The following NADSYN1 variants were observed in gnomAD, a reference collection of about 807,000 sequenced individuals.
The protein encoded by NADSYN1 is glutamine-dependent NAD(+) synthetase.
A neutral mutation model predicts 99.3 loss-of-function variants in NADSYN1; 80 were observed. The ratio of observed to expected loss-of-function variants is 0.81; its 90% CI spans 0.67 to 0.97. NADSYN1 has a LOEUF of 0.97. Among genes scored for constraint, NADSYN1 ranks in the 50% least tolerant of loss-of-function variants. The pLI, the probability that NADSYN1 is intolerant of heterozygous loss-of-function variation, is 0.00. For missense variants in NADSYN1, 859 were observed against 948.5 expected, an observed-to-expected ratio of 0.91 and a Z score of 1.24; for synonymous variants, 385 against 372.1, an observed-to-expected ratio of 1.03 and a Z score of -0.40.
At chr11:71,494,783 G>A (rs1286012477) in intron 18 of NADSYN1, among the ~76,000 whole-genome samples, 2 of 152,092 alleles carry the variant, frequency 1.3e-5, no homozygotes, top group African/African-American at 4.8e-5. Flanking sequence ...TCGAACTCCC[G>A]ACCTCAGGTG....
chr11:71,460,889 CA>C (rs1949546240), intron 3 of NADSYN1: 2 of 152,202 alleles, frequency 1.3e-5, no homozygotes, highest in Admixed American at 6.5e-5. Flanking sequence ...TTCTGCTCCA[CA>C]AGGGTTTGCC....
intron 16 of NADSYN1, among the ~76,000 whole-genome samples, chr11:71,486,328 C>G (rs1377768770): frequency 6.6e-6 from 1 of 152,052 alleles, no homozygotes; most frequent in African/African-American, 2.4e-5. Flanking sequence ...TCCACCCATC[C>G]ATCCATCTGT....
intron 5 of NADSYN1, among the ~76,000 whole-genome samples, chr11:71,469,836 G>A (rs1020928898): frequency 6.0e-5 from 9 of 150,434 alleles, no homozygotes; most frequent in African/African-American, 2.0e-4. Context: ...TGAAGTGGGA[G>A]GATCACTTGA....
At chr11:71,498,154 A>G (rs1949832805) in intron 19 of NADSYN1, among the ~76,000 whole-genome samples, 198 bp from the exon 20 acceptor site, 1 of 152,052 alleles carries the variant, frequency 6.6e-6, no homozygotes, top group Admixed American at 6.6e-5. Context: ...ATAGCATCAG[A>G]GGCAGGGGGA....
chr11:71,474,332 C>T (rs1390161078), intron 8 of NADSYN1, 63 bp from the exon 9 acceptor site: 3 of 1,604,692 alleles, frequency 1.9e-6, no homozygotes, highest in Non-Finnish European at 2.6e-6. Flanking sequence ...TGTACTTGGG[C>T]AGGTGGCAGG....
chr11:71,500,776 C>T (rs1949851899), intron 20 of NADSYN1, among the ~76,000 whole-genome samples: 1 of 152,162 alleles, frequency 6.6e-6, no homozygotes. Context: ...CCTGCTGTGG[C>T]TGGACGGAGC....
chr11:71,498,295 G>A (rs190248113), intron 19 of NADSYN1, 57 bp from the exon 20 acceptor site: 198 of 1,593,080 alleles, frequency 1.2e-4, no homozygotes, highest in Admixed American at 3.0e-4. Flanking sequence ...TGGGAATTCC[G>A]GCCTGGGGTC....
chr11:71,486,966 T>C (rs1949747210), intron 16 of NADSYN1, among the ~76,000 whole-genome samples: 1 of 151,876 alleles, frequency 6.6e-6, no homozygotes, highest in Non-Finnish European at 1.5e-5. Context: ...TCACCACGCC[T>C]GGCTAATTTT....
In NADSYN1 at chr11:71,482,663, G is replaced by T. The variant is rs371816323; in HGVS notation, c.1151-186G>T. The T allele has an allele frequency of 6.6e-6, 3 of 456,956 alleles. 1 individual carries two copies. Among genetic ancestry groups the T allele is most frequent in the Non-Finnish European group, 1.2e-5 (3 of 254,396 alleles). 28.3% of individuals were successfully genotyped at this position (456,956 alleles called of 1,614,324 possible). ...GGTGGAGCCGCACAGGCACCTGGGG[G>T]TGTAGACTGGGGTGGAGCCGCACAG... is the stretch of plus-strand genomic sequence containing the variant. On this transcript the variant is annotated intron_variant, in intron 13 of 20. Coordinates refer to ENST00000319023, the MANE Select transcript of NADSYN1 (RefSeq NM_018161.5).
At position 71,481,859 on chromosome 11, in the gene NADSYN1, G is replaced by T. The variant is rs2120474404; in HGVS notation, c.1048-64G>T. 3 of 1,463,356 alleles carry T rather than the reference G, an allele frequency of 2.1e-6. No homozygotes were observed. The South Asian group carries it at 3.6e-5, about 18-fold the overall frequency. The allele number at this position is 1,463,356 out of a possible 1,614,324, so 90.6% of individuals were successfully genotyped here. A position where few individuals can be genotyped will look rare whatever the true frequency, so the allele number is the denominator to read the frequency against. ...CCTTGAGGTCTATGGGTGGAGCTTGGCTGATCCATGGGCATGCTGCTTCTC... is the reference window on the plus strand; with the variant it reads ...CCTTGAGGTCTATGGGTGGAGCTTGTCTGATCCATGGGCATGCTGCTTCTC... On this transcript the variant is annotated intron_variant, in intron 12 of 20. Coordinates refer to ENST00000319023, the MANE Select transcript of NADSYN1 (RefSeq NM_018161.5).
intron 15 of NADSYN1, 100 bp downstream of exon 15, chr11:71,484,547 T>A (rs1949729664): frequency 3.5e-6 from 5 of 1,446,880 alleles, no homozygotes; most frequent in Middle Eastern, 2.5e-4. Flanking sequence ...GGCCATCGTC[T>A]CCATGAAGCT....
At chr11:71,469,627 C>A (rs1949614129) in intron 5 of NADSYN1, among the ~76,000 whole-genome samples, 1 of 152,212 alleles carries the variant, frequency 6.6e-6, no homozygotes, top group Non-Finnish European at 1.5e-5. Context: ...AGGCACAGAT[C>A]ACTCATGCTA....
At position 71,463,491 on chromosome 11, in the gene NADSYN1, C is replaced by G; in HGVS notation, c.317+6C>G. ...AGAGTGATATTCCTCAACAGGTAGG[C>G]CCCCTGCCCCCACCCCGGGAGGGTG... is the stretch of plus-strand genomic sequence containing the variant. On this transcript the variant is annotated splice_donor_region_variant and intron_variant, in intron 4 of 20. Transcript: ENST00000319023. 1 of 1,612,914 alleles carries G rather than the reference C, an allele frequency of 6.2e-7. No individual in the cohort carries two copies. The highest frequency in any genetic ancestry group is 1.1e-5 in the South Asian group (1 of 91,000).
intron 6 of NADSYN1, among the ~76,000 whole-genome samples, chr11:71,472,789 C>T (rs145781833): frequency 7.2e-4 from 109 of 152,326 alleles, no homozygotes; most frequent in African/African-American, 2.5e-3. Context: ...CAGCCTTCTC[C>T]ATCCCCAGGG....
chr11:71,463,394 C>T, intron 3 of NADSYN1, 38 bp from the exon 4 acceptor site: 2 of 1,581,786 alleles, frequency 1.3e-6, no homozygotes, highest in African/African-American at 1.3e-5. Context: ...TGTTTCATAA[C>T]CGGGCAGACA....
chr11:71,483,080 C>T (rs1308851989), intron 14 of NADSYN1, 63 bp downstream of exon 14: 20 of 1,587,692 alleles, frequency 1.3e-5, no homozygotes, highest in Non-Finnish European at 1.7e-5. Context: ...TCACTGGAAG[C>T]TCCGCCTGTG....
chr11:71,454,314 C>T lies in NADSYN1; in HGVS notation c.86-796C>T, dbSNP rs184422559. Among the ~76,000 whole-genome samples, 821 of 152,142 alleles carry T rather than the reference C, an allele frequency of 5.4e-3. 8 individuals are homozygous for T. Among genetic ancestry groups the T allele is most frequent in the African/African-American group, 0.019 (786 of 41,442 alleles). The stretch of plus-strand genomic sequence containing the variant: ...GCAGTCTCTGCCTCCTGGGCTCAAG[C>T]GATTCTCCTGCCTCAGCCTCCTGAG... On this transcript the variant is annotated intron_variant, in intron 1 of 20. Coordinates refer to ENST00000319023, the MANE Select transcript of NADSYN1 (RefSeq NM_018161.5).
intron 16 of NADSYN1, among the ~76,000 whole-genome samples, chr11:71,490,222 G>C (rs557270359): frequency 6.6e-6 from 1 of 152,110 alleles, no homozygotes. Context: ...CAGCGGCCTC[G>C]CGTCTCTGCC....
chr11:71,453,488 G>C lies in NADSYN1; in HGVS notation c.85+107G>C, dbSNP rs1327744310. On this transcript the variant is annotated intron_variant, in intron 1 of 20. Transcript: ENST00000319023. ...CACAGCCTTGCCCTGGGAAACTCTC[G>C]GCCCTGGGCATGGGATCAGGTGAGA... 1.2e-5 allele frequency: 12 copies of C among 1,019,932 alleles called. No individual in the cohort carries two copies. In the Admixed American group the frequency reaches 2.3e-4, roughly 20 times the overall value. 63.2% of individuals were successfully genotyped at this position (1,019,932 alleles called of 1,614,324 possible).
Sources: gnomAD v4.1 joint callset for allele counts (sites outside exome capture counted in the v4.1 genomes callset) on GRCh38, gnomAD v4.1.1 for gene constraint, MANE v1.5 for transcripts, NCBI Gene and HGNC (gene_info 2026-07-23, HGNC 2026-07-21) for gene names.